The following RNLS variants were observed in gnomAD, a reference collection of about 807,000 sequenced individuals.
RNLS encodes renalase, FAD dependent amine oxidase.
In RNLS, 39 loss-of-function variants were observed where a neutral mutation model predicts 39.8. That is an observed-to-expected ratio of 0.98 (90% confidence interval 0.76 to 1.28). The LOEUF (loss-of-function observed/expected upper bound fraction) is 1.28. Among genes scored for constraint, RNLS ranks in the 50% most tolerant of loss-of-function variants. The pLI, the probability that RNLS is intolerant of heterozygous loss-of-function variation, is 0.00. For synonymous variants in RNLS, 147 were observed against 150.7 expected (o/e 0.98, Z 0.18); for missense variants, 410 against 413.3 (o/e 0.99, Z 0.07).
intron 6 of RNLS, among the ~76,000 whole-genome samples, chr10:88,286,333 C>T (rs1843268328): frequency 1.3e-5 from 2 of 152,040 alleles, no homozygotes; most frequent in African/African-American, 2.4e-5. Context: ...TCTTTTTAAA[C>T]AGCTTTTTAT....
the RNLS span, among the ~76,000 whole-genome samples, chr10:88,229,911 T>C: frequency 6.6e-6 from 1 of 152,224 alleles, no homozygotes; most frequent in Non-Finnish European, 1.5e-5. Flanking sequence ...TATCCATTTC[T>C]TGGTGGATGG....
At position 88,284,915 on chromosome 10, in the gene RNLS, TAA is replaced by T; in HGVS notation, c.*437_*438del. 1.0e-6 allele frequency: 1 copy of T among 985,844 alleles called. No homozygotes were observed. Among genetic ancestry groups the T allele is most frequent in the Middle Eastern group, 5.2e-4 (1 of 1,914 alleles). The allele number at this position is 985,844 out of a possible 1,614,324, so 61.1% of individuals were successfully genotyped here. On this transcript the variant is annotated 3_prime_UTR_variant, in exon 7 of 7. Transcript: ENST00000331772. ...CATTTTGGAAAAATCTTGTTTTGTA[TAA>T]TTTGCAAAAATATTGATTCAAGGAC...
chr10:88,417,914 C>T (rs1247004361), intron 4 of RNLS, among the ~76,000 whole-genome samples: 1 of 152,076 alleles, frequency 6.6e-6, no homozygotes, highest in Non-Finnish European at 1.5e-5. Context: ...GACATTCCTG[C>T]CTCACTCTAT....
intron 4 of RNLS, among the ~76,000 whole-genome samples, chr10:88,474,953 T>C (rs549632873): frequency 1.6e-4 from 24 of 152,058 alleles, no homozygotes; most frequent in African/African-American, 5.3e-4. Context: ...AAACAGGATA[T>C]AAAAAGTAGT....
intron 4 of RNLS, among the ~76,000 whole-genome samples, chr10:88,494,235 C>T (rs2134077914): frequency 6.6e-6 from 1 of 152,236 alleles, no homozygotes; most frequent in Non-Finnish European, 1.5e-5. Context: ...AAAAATGTTA[C>T]ATACTGTTTG....
the RNLS span, among the ~76,000 whole-genome samples, chr10:88,172,842 G>GTTT: frequency 4.5e-3 from 197 of 43,724 alleles, 57 homozygotes; most frequent in South Asian, 0.012. Context: ...ATTTTGAGTT[G>GTTT]TTTTTTTTTT....
intron 4 of RNLS, among the ~76,000 whole-genome samples, chr10:88,371,122 T>C (rs1850526299): frequency 6.6e-6 from 1 of 152,134 alleles, no homozygotes; most frequent in African/African-American, 2.4e-5. Context: ...ACTTAATCCC[T>C]CTAAGCATCT....
chr10:88,448,676 T>G (rs569666282), intron 4 of RNLS, among the ~76,000 whole-genome samples: 1 of 152,346 alleles, frequency 6.6e-6, no homozygotes, highest in African/African-American at 2.4e-5. Flanking sequence ...TTATAAATCA[T>G]GCTGCTATAT....
chr10:88,184,383 C>T, the RNLS span, among the ~76,000 whole-genome samples: 1 of 152,092 alleles, frequency 6.6e-6, no homozygotes, highest in Non-Finnish European at 1.5e-5. Context: ...CTGATCTTTC[C>T]AGTATCTTTC....
rs191243032 is a variant in RNLS at position 88,325,073 on chromosome 10, C to A, written c.701-10432G>T. Among the ~76,000 whole-genome samples, 15 of 152,258 alleles carry A rather than the reference C, an allele frequency of 9.9e-5. No homozygotes were observed. The East Asian group carries it at 2.9e-3, about 29-fold the overall frequency. On this transcript the variant is annotated intron_variant, in intron 5 of 6. Coordinates refer to ENST00000331772, the MANE Select transcript of RNLS (RefSeq NM_001031709.3). ...CAATGGACGCTTGAGTTGCTTCTAC[C>A]TTTTAGCTATTGTAAATGATGCTGC...
At position 88,583,199 on chromosome 10, in the gene RNLS, G is replaced by A; in HGVS notation, c.-9C>T. 2 of 1,613,624 alleles carry A rather than the reference G, an allele frequency of 1.2e-6. No individual in the cohort carries two copies. The highest frequency in any genetic ancestry group is 1.1e-5 in the South Asian group (1 of 91,056). ...ATCAGCACCTGCGCCATGGCGAGAG[G>A]GAGCAGCGATCCGCGCTGAGTCTCT... is the stretch of plus-strand genomic sequence containing the variant. On this transcript the variant is annotated 5_prime_UTR_variant, in exon 1 of 7. Coordinates refer to ENST00000331772, the MANE Select transcript of RNLS (RefSeq NM_001031709.3).
At chr10:88,569,437 G>A (rs976466327) in intron 4 of RNLS, among the ~76,000 whole-genome samples, 9 of 152,088 alleles carry the variant, frequency 5.9e-5, no homozygotes, top group African/African-American at 1.9e-4. Context: ...ACTGGATGAA[G>A]GAGAGAGACA....
At chr10:88,172,682 T>C in the RNLS span, among the ~76,000 whole-genome samples, 1 of 152,058 alleles carries the variant, frequency 6.6e-6, no homozygotes, top group Admixed American at 6.5e-5. Context: ...TAGAGTGATA[T>C]AGTCCCATTT....
intron 5 of RNLS, among the ~76,000 whole-genome samples, chr10:88,341,940 C>T (rs186491509): frequency 4.9e-4 from 75 of 152,232 alleles, no homozygotes; most frequent in African/African-American, 1.7e-3. Context: ...ATAGTTTCTA[C>T]TCACCACATA....
At chr10:88,381,167 G>A (rs1055860504) in intron 4 of RNLS, among the ~76,000 whole-genome samples, 4 of 152,142 alleles carry the variant, frequency 2.6e-5, no homozygotes, top group Non-Finnish European at 5.9e-5. Context: ...AACTCGCCAA[G>A]TGCCTTGCTT....
At chr10:88,453,388 C>T (rs1564811585) in intron 4 of RNLS, among the ~76,000 whole-genome samples, 1 of 152,206 alleles carries the variant, frequency 6.6e-6, no homozygotes, top group Non-Finnish European at 1.5e-5. Context: ...GGTCTAAAGG[C>T]CTGTCCCTTT....
intron 6 of RNLS, among the ~76,000 whole-genome samples, chr10:88,278,310 T>C (rs1337303012): frequency 6.6e-6 from 1 of 152,194 alleles, no homozygotes; most frequent in Admixed American, 6.5e-5. Context: ...TTGATTATTT[T>C]CCGAAGGATA....
intron 4 of RNLS, among the ~76,000 whole-genome samples, chr10:88,499,112 T>A (rs1303272176): frequency 6.6e-6 from 1 of 152,180 alleles, no homozygotes; most frequent in African/African-American, 2.4e-5. Flanking sequence ...TCTTAGAAGA[T>A]CAGTGCCGAA....
At chr10:88,198,886 C>T in the RNLS span, among the ~76,000 whole-genome samples, 2 of 152,154 alleles carry the variant, frequency 1.3e-5, no homozygotes, top group Non-Finnish European at 2.9e-5. Context: ...GCATAAGGAA[C>T]ACAGCTGGTT....
Sources: allele counts gnomAD v4.1 joint callset (sites outside exome capture counted in the v4.1 genomes callset), GRCh38; gene constraint gnomAD v4.1.1; transcripts MANE v1.5; gene names NCBI Gene and HGNC (gene_info 2026-07-23, HGNC 2026-07-21).